CLDN20: variants seen among roughly 807,000 people sequenced by gnomAD.
CLDN20 encodes claudin 20, also known as claudin-20.
For synonymous variants in CLDN20, 104 were observed against 103.6 expected (o/e 1.00, Z -0.03); for missense variants, 258 against 267.9 (o/e 0.96, Z 0.26).
At chr6:155,273,810 T>C (rs9371877) in intron 1 of CLDN20, among the ~76,000 whole-genome samples, 99,727 of 151,968 alleles carry the variant, frequency 0.66, 33,476 homozygotes, top group East Asian at 0.98. Context: ...AACATTCTGA[T>C]CTGAAAAAAC....
chr6:155,264,736 G>C (rs1158249667), intron 1 of CLDN20, among the ~76,000 whole-genome samples: 1 of 152,172 alleles, frequency 6.6e-6, no homozygotes, highest in Non-Finnish European at 1.5e-5. Flanking sequence ...GAGGCCAAGA[G>C]AATGACAGCA....
At chr6:155,268,692 G>T (rs960826400) in intron 1 of CLDN20, among the ~76,000 whole-genome samples, 1 of 151,894 alleles carries the variant, frequency 6.6e-6, no homozygotes, top group African/African-American at 2.4e-5. Context: ...GTCCACTCAG[G>T]GTTAAGTGGA....
At position 155,276,505 on chromosome 6, in the gene CLDN20, T is replaced by C; in HGVS notation, c.*126T>C. 1 of 854,142 alleles carries C rather than the reference T, an allele frequency of 1.2e-6. No homozygotes were observed. The highest frequency in any genetic ancestry group is 1.8e-6 in the Non-Finnish European group (1 of 555,284). The allele number at this position is 854,142 out of a possible 1,614,324, so 52.9% of individuals were successfully genotyped here. A position where few individuals can be genotyped will look rare whatever the true frequency, so the allele number is the denominator to read the frequency against. On this transcript the variant is annotated 3_prime_UTR_variant, in exon 2 of 2. Coordinates refer to ENST00000367165, the MANE Select transcript of CLDN20 (RefSeq NM_001001346.3). ...GTAGAATGTAAAATACTTTAACAAC[T>C]ACAAAGTAGTTTAAAATGCCAATAA...
In CLDN20 at chr6:155,276,010, T is replaced by G; in HGVS notation, c.291T>G (p.Thr97=). 1 of 1,614,150 alleles carries G rather than the reference T, an allele frequency of 6.2e-7. No individual in the cohort carries two copies. The highest frequency in any genetic ancestry group is 8.5e-7 in the Non-Finnish European group (1 of 1,180,044). Residue 97 remains threonine (T), a synonymous_variant, in exon 2 of 2, where the codon ACT becomes ACG. Transcript: ENST00000367165. Reference sequence around the variant, plus strand: ...TTCTGTCTGCTTTGGGGATCTGCACTTCCACAGTAGGAATGAAATGTACTC... The same window carrying G: ...TTCTGTCTGCTTTGGGGATCTGCACGTCCACAGTAGGAATGAAATGTACTC... ...ACVLSALGIC[T]STVGMKCTRL... is the part of the protein sequence containing the mutation.
At chr6:155,275,332 A>G (rs1785133635) in intron 1 of CLDN20, among the ~76,000 whole-genome samples, 1 of 152,232 alleles carries the variant, frequency 6.6e-6, no homozygotes, top group Non-Finnish European at 1.5e-5. Context: ...ATCTCCTAAC[A>G]ACGTACATGT....
At chr6:155,266,838 C>T (rs1237549962) in intron 1 of CLDN20, among the ~76,000 whole-genome samples, 3 of 94,720 alleles carry the variant, frequency 3.2e-5, no homozygotes, top group Admixed American at 1.6e-4. Flanking sequence ...CAGAGCGAGA[C>T]TCCGTCTCAA....
In CLDN20 at chr6:155,276,052, A is replaced by G; in HGVS notation, c.333A>G (p.Arg111=). 6.2e-7 allele frequency: 1 copy of G among 1,614,212 alleles called. No individual in the cohort carries two copies. Among genetic ancestry groups the G allele is most frequent in the Admixed American group, 1.7e-5 (1 of 60,028 alleles). ...GMKCTRLGGD[R]ETKSHASFAG... ...AATGTACTCGCTTAGGAGGGGACAG[A>G]GAAACCAAGAGCCATGCTTCCTTTG... is the stretch of plus-strand genomic sequence containing the variant. The change falls in exon 2 of 2, where the codon AGA becomes AGG. Residue 111 remains arginine (R), a synonymous_variant. Transcript: ENST00000367165.
At chr6:155,274,062 C>CG (rs1554253075) in intron 1 of CLDN20, among the ~76,000 whole-genome samples, 1 of 152,118 alleles carries the variant, frequency 6.6e-6, no homozygotes, top group Non-Finnish European at 1.5e-5. Flanking sequence ...ACCCTATGAA[C>CG]GAAGTATTTC....
intron 1 of CLDN20, among the ~76,000 whole-genome samples, chr6:155,270,608 T>C (rs533926565): frequency 2.0e-5 from 3 of 152,302 alleles, no homozygotes; most frequent in African/African-American, 4.8e-5. Context: ...GTTTTGAGAA[T>C]AGAAATGTAC....
chr6:155,272,450 C>T (rs553325444), intron 1 of CLDN20, among the ~76,000 whole-genome samples: 1 of 152,104 alleles, frequency 6.6e-6, no homozygotes, highest in African/African-American at 2.4e-5. Context: ...AGAGTTTTCA[C>T]TGTAGACCAT....
intron 1 of CLDN20, 134 bp downstream of exon 1, chr6:155,264,422 T>G (rs561993909): frequency 6.6e-6 from 1 of 152,344 alleles, no homozygotes; most frequent in East Asian, 1.9e-4. Flanking sequence ...ACTCTACCTG[T>G]GATCCATGTC....
At position 155,275,724 on chromosome 6, in the gene CLDN20, C is replaced by A. The variant is rs780005334; in HGVS notation, c.5C>A (p.Ala2Asp). The A allele has an allele frequency of 3.1e-6, 5 of 1,611,846 alleles. No homozygotes were observed. The highest frequency in any genetic ancestry group is 4.2e-6 in the Non-Finnish European group (5 of 1,178,736). The change falls in exon 2 of 2, where the codon GCC becomes GAC. Residue 2 changes from alanine (A) to aspartate (D), a missense_variant. Physicochemically the swap from Ala to Asp is moderately radical, Grantham distance 126. Coordinates refer to ENST00000367165, the MANE Select transcript of CLDN20 (RefSeq NM_001001346.3). M[A>D]SAGLQLLAFI... ...GACAGACTTAACAGTAACATCATGG[C>A]CTCAGCAGGACTCCAGCTCCTTGCT...
chr6:155,274,957 G>A (rs968482804), intron 1 of CLDN20, among the ~76,000 whole-genome samples: 9 of 152,148 alleles, frequency 5.9e-5, no homozygotes, highest in African/African-American at 9.7e-5. Flanking sequence ...GGTGGCTCAC[G>A]CCTGTAATCC....
chr6:155,276,484 AATG>A lies in CLDN20; in HGVS notation c.*106_*108del. 1 of 1,030,918 alleles carries A rather than the reference AATG, an allele frequency of 9.7e-7. No individual in the cohort carries two copies. Among genetic ancestry groups the A allele is most frequent in the East Asian group, 2.6e-5 (1 of 38,734 alleles). 63.9% of individuals were successfully genotyped at this position (1,030,918 alleles called of 1,614,324 possible). A position where few individuals can be genotyped will look rare whatever the true frequency, so the allele number is the denominator to read the frequency against. ...TTAACTTTCCCTACAAAGAAAGTAG[AATG>A]TAAAATACTTTAACAACTACAAAGT... is the stretch of plus-strand genomic sequence containing the variant. On this transcript the variant is annotated 3_prime_UTR_variant, in exon 2 of 2. Transcript: ENST00000367165.
intron 1 of CLDN20, among the ~76,000 whole-genome samples, chr6:155,264,492 A>G (rs1482560014): frequency 6.6e-6 from 1 of 152,250 alleles, no homozygotes; most frequent in African/African-American, 2.4e-5. Flanking sequence ...CAGCATTCTA[A>G]GTATTTCAAA....
At chr6:155,271,768 A>G (rs1042314179) in intron 1 of CLDN20, among the ~76,000 whole-genome samples, 2 of 152,228 alleles carry the variant, frequency 1.3e-5, no homozygotes, top group Non-Finnish European at 1.5e-5. Flanking sequence ...AATTTCAAAA[A>G]TAAGTTATAA....
intron 1 of CLDN20, among the ~76,000 whole-genome samples, chr6:155,273,951 T>C (rs1399717426): frequency 2.0e-5 from 3 of 152,200 alleles, no homozygotes; most frequent in Non-Finnish European, 4.4e-5. Flanking sequence ...TCACAATACA[T>C]AAGAAATAAA....
chr6:155,275,725 C>G lies in CLDN20; in HGVS notation c.6C>G (p.Ala2=), dbSNP rs1785160520. ...ACAGACTTAACAGTAACATCATGGCCTCAGCAGGACTCCAGCTCCTTGCTT... is the reference window on the plus strand; with the variant it reads ...ACAGACTTAACAGTAACATCATGGCGTCAGCAGGACTCCAGCTCCTTGCTT... M[A]SAGLQLLAFI... is the part of the protein sequence containing the mutation. The change falls in exon 2 of 2, where the codon GCC becomes GCG. Residue 2 remains alanine, a synonymous_variant. Coordinates refer to ENST00000367165, the MANE Select transcript of CLDN20 (RefSeq NM_001001346.3). 1 of 1,612,140 alleles carries G rather than the reference C, an allele frequency of 6.2e-7. No homozygotes were observed. Among genetic ancestry groups the G allele is most frequent in the African/African-American group, 1.3e-5 (1 of 74,914 alleles).
In CLDN20 at chr6:155,273,773, G is replaced by GTATGACATGGGGTGATATCCTA. The variant is rs1235220587; in HGVS notation, c.-104-1841_-104-1820dup. On this transcript the variant is annotated intron_variant, in intron 1 of 1. Coordinates refer to ENST00000367165, the MANE Select transcript of CLDN20 (RefSeq NM_001001346.3). ...CGCTGCAGGTTGGCTGCTGAAGACT[G>GTATGACATGGGGTGATATCCTA]TATGACATGGGGTGATATCCTATCT... is the stretch of plus-strand genomic sequence containing the variant. Among the ~76,000 whole-genome samples the GTATGACATGGGGTGATATCCTA allele has an allele frequency of 3.9e-5, 6 of 152,294 alleles. No homozygotes were observed. The East Asian group carries it at 1.2e-3, about 29-fold the overall frequency.
Sources: allele counts gnomAD v4.1 joint callset (sites outside exome capture counted in the v4.1 genomes callset), GRCh38; gene constraint gnomAD v4.1.1; transcripts MANE v1.5; gene names NCBI Gene and HGNC (gene_info 2026-07-23, HGNC 2026-07-21).